PCDHGA1: variants seen among roughly 807,000 people sequenced by gnomAD.
The protein encoded by PCDHGA1 is protocadherin gamma-A1.
Under a neutral mutation model 58.0 loss-of-function variants are expected in PCDHGA1, and 32 were observed. That is an observed-to-expected ratio of 0.55 (90% CI 0.42 to 0.74). The LOEUF (loss-of-function observed/expected upper bound fraction) is 0.74. Among genes scored for constraint, PCDHGA1 ranks in the 30% least tolerant of loss-of-function variants. PCDHGA1 has a pLI of 0.00. For missense variants in PCDHGA1, 1,205 were observed against 1,182.3 expected, an observed-to-expected ratio of 1.02 and a Z score of -0.28; for synonymous variants, 498 against 501.1, an observed-to-expected ratio of 0.99 and a Z score of 0.08.
chr5:141,360,908 G>GCTTC, intron 1 of PCDHGA1: 1 of 1,614,016 alleles, frequency 6.2e-7, no homozygotes, highest in African/African-American at 1.3e-5. Flanking sequence ...GTGCCGCCGG[G>GCTTC]CTTCTTTGTG....
intron 1 of PCDHGA1, chr5:141,392,761 A>G (rs1341541753): frequency 1.6e-5 from 24 of 1,476,812 alleles, no homozygotes; most frequent in Non-Finnish European, 2.1e-5. Flanking sequence ...AAACTAAATA[A>G]GACCCATTTA....
intron 1 of PCDHGA1, chr5:141,384,389 AG>A: frequency 1.2e-6 from 2 of 1,613,942 alleles, no homozygotes; most frequent in South Asian, 1.1e-5. Context: ...GACACCATCC[AG>A]GGGGCTCCAG....
Position 141,431,614 on chromosome 5 carries a change from C to G in PCDHGA1, c.2422-63193C>G. ...TGAGGTATTCCTTCCGGTATGTGGACGACAAGGCGGCCCAAGTTTTCAAAC... is the reference window on the plus strand; with the variant it reads ...TGAGGTATTCCTTCCGGTATGTGGAGGACAAGGCGGCCCAAGTTTTCAAAC... On this transcript the variant is annotated intron_variant, in intron 1 of 3. Coordinates refer to ENST00000517417, the MANE Select transcript of PCDHGA1 (RefSeq NM_018912.3). This position sits in a 1 kb window ranked among gnomAD's most constrained non-coding sequence, Gnocchi z 4.8. 6.2e-7 allele frequency: 1 copy of G among 1,614,206 alleles called. No homozygotes were observed. The highest frequency in any genetic ancestry group is 1.1e-5 in the South Asian group (1 of 91,092).
In PCDHGA1 at chr5:141,399,918, C is replaced by T. The variant is rs1163309827; in HGVS notation, c.2421+66813C>T. On this transcript the variant is annotated intron_variant, in intron 1 of 3. Coordinates refer to ENST00000517417, the MANE Select transcript of PCDHGA1 (RefSeq NM_018912.3). ...CCGTGGACGCAGACTCAGGACACAA[C>T]GCCTGGCTGTCCTACCACGTGCTGC... The T allele has an allele frequency of 4.3e-6, 7 of 1,612,240 alleles. No individual in the cohort carries two copies. In the East Asian group the frequency reaches 8.9e-5, roughly 21 times the overall value.
intron 1 of PCDHGA1, among the ~76,000 whole-genome samples, chr5:141,436,884 G>T (rs1041906146): frequency 6.6e-6 from 1 of 152,190 alleles, no homozygotes; most frequent in Non-Finnish European, 1.5e-5. Context: ...AAAAGATGGG[G>T]GAAAGATTTT....
At chr5:141,460,991 A>G (rs889917939) in intron 1 of PCDHGA1, among the ~76,000 whole-genome samples, 39 of 141,522 alleles carry the variant, frequency 2.8e-4, no homozygotes, top group East Asian at 1.0e-3. Flanking sequence ...GTGTATATAT[A>G]TATATGTGTA....
intron 1 of PCDHGA1, chr5:141,385,593 C>A: frequency 8.1e-7 from 1 of 1,235,054 alleles, no homozygotes; most frequent in African/African-American, 1.6e-5. Flanking sequence ...TTCCAACCTA[C>A]TTTCTTAACT....
rs1467125550 is a variant in PCDHGA1 at position 141,511,799 on chromosome 5, T to G, written c.*626T>G. 6.4e-6 allele frequency: 1 copy of G among 157,228 alleles called. No homozygotes were observed. The highest frequency in any genetic ancestry group is 1.4e-5 in the Non-Finnish European group (1 of 70,874). 9.7% of individuals were successfully genotyped at this position (157,228 alleles called of 1,614,324 possible). ...TGCTTGCTGGATTTAGGGAGGGCAT[T>G]TTGCTACCAAGCCTCTTCCCAACGC... On this transcript the variant is annotated 3_prime_UTR_variant, in exon 4 of 4. Coordinates refer to ENST00000517417, the MANE Select transcript of PCDHGA1 (RefSeq NM_018912.3).
chr5:141,429,395 A>T (rs545207705), intron 1 of PCDHGA1, among the ~76,000 whole-genome samples: 166 of 152,126 alleles, frequency 1.1e-3, no homozygotes, highest in African/African-American at 3.8e-3. Flanking sequence ...TTTAAAAAAA[A>T]TTGAGATTAA....
chr5:141,402,091 G>C (rs1453803021), intron 1 of PCDHGA1, among the ~76,000 whole-genome samples: 2 of 152,088 alleles, frequency 1.3e-5, no homozygotes, highest in Non-Finnish European at 2.9e-5. Context: ...TAGCAGAAAA[G>C]TTTAAGCAAT....
chr5:141,435,792 A>G (rs2097780110), intron 1 of PCDHGA1, among the ~76,000 whole-genome samples: 1 of 152,074 alleles, frequency 6.6e-6, no homozygotes, highest in South Asian at 2.1e-4. Context: ...AGGGAAACAT[A>G]ACGTCCCAAT....
chr5:141,432,630 G>A lies in PCDHGA1; in HGVS notation c.2422-62177G>A, dbSNP rs1278355878. On this transcript the variant is annotated intron_variant, in intron 1 of 3. Coordinates refer to ENST00000517417, the MANE Select transcript of PCDHGA1 (RefSeq NM_018912.3). This position sits in a 1 kb window ranked among gnomAD's most constrained non-coding sequence, Gnocchi z 6.0. ...CTCTTCTCGGTGGGTCTGCACACGG[G>A]CGAGGTGCGCACGGCGCGAGCCCTG... 3.7e-6 allele frequency: 6 copies of A among 1,612,782 alleles called. No homozygotes were observed. Among genetic ancestry groups the A allele is most frequent in the Non-Finnish European group, 5.1e-6 (6 of 1,179,682 alleles).
rs774892780 is a variant in PCDHGA1, at chr5:141,350,847, C to T, written c.2421+17742C>T. 5.6e-6 allele frequency: 9 copies of T among 1,613,928 alleles called. No individual in the cohort carries two copies. Among genetic ancestry groups the T allele is most frequent in the East Asian group, 2.2e-5 (1 of 44,904 alleles). Reference sequence around the variant, plus strand: ...TATCCGGTATTACTGCTGGAAAAACCTCTAGACAGGGAACATCAGAGCTCT... The same window carrying T: ...TATCCGGTATTACTGCTGGAAAAACTTCTAGACAGGGAACATCAGAGCTCT... On this transcript the variant is annotated intron_variant, in intron 1 of 3. Coordinates refer to ENST00000517417, the MANE Select transcript of PCDHGA1 (RefSeq NM_018912.3).
chr5:141,432,803 G>T lies in PCDHGA1; in HGVS notation c.2422-62004G>T, dbSNP rs751950423. 3 of 1,614,160 alleles carry T rather than the reference G, an allele frequency of 1.9e-6. No homozygotes were observed. The highest frequency in any genetic ancestry group is 2.2e-5 in the East Asian group (1 of 44,874). ...GGACCTCGGCAGCCTCGAGTCTCCA[G>T]CTAACTCTGAAACCTCAGACCTCAC... On this transcript the variant is annotated intron_variant, in intron 1 of 3. Coordinates refer to ENST00000517417, the MANE Select transcript of PCDHGA1 (RefSeq NM_018912.3). This position sits in a 1 kb window ranked among gnomAD's most constrained non-coding sequence, Gnocchi z 6.0.
chr5:141,498,312 T>C (rs2099783060), intron 2 of PCDHGA1, among the ~76,000 whole-genome samples: 1 of 151,714 alleles, frequency 6.6e-6, no homozygotes, highest in Non-Finnish European at 1.5e-5. Context: ...TCACACTGCC[T>C]ACACAGAAGG....
intron 1 of PCDHGA1, chr5:141,418,503 T>G (rs2096264259): frequency 6.2e-7 from 1 of 1,613,828 alleles, no homozygotes. Flanking sequence ...CTGACCGCCT[T>G]AGATGGTGGG....
intron 1 of PCDHGA1, chr5:141,351,291 C>T (rs778230963): frequency 1.7e-5 from 27 of 1,613,784 alleles, no homozygotes; most frequent in Non-Finnish European, 2.1e-5. Flanking sequence ...CCAGAGGTGA[C>T]ATTCATGTCC....
chr5:141,362,994 C>T (rs1023697492), intron 1 of PCDHGA1, among the ~76,000 whole-genome samples: 12 of 152,350 alleles, frequency 7.9e-5, no homozygotes, highest in Admixed American at 3.9e-4. Context: ...AATGGCATGG[C>T]TTGTTAATCA....
intron 1 of PCDHGA1, among the ~76,000 whole-genome samples, chr5:141,471,076 T>C (rs1463083616): frequency 1.5e-5 from 2 of 136,094 alleles, no homozygotes; most frequent in Non-Finnish European, 3.1e-5. Context: ...TGAGACAGGG[T>C]CTCCCTCTGT....
Sources: allele counts gnomAD v4.1 joint callset (sites outside exome capture counted in the v4.1 genomes callset), GRCh38; gene constraint gnomAD v4.1.1; non-coding constraint Gnocchi (gnomAD v3.1); transcripts MANE v1.5; gene names NCBI Gene and HGNC (gene_info 2026-07-23, HGNC 2026-07-21).